The following ALCAM variants were observed in gnomAD, a reference collection of about 807,000 sequenced individuals.
ALCAM encodes CD166 antigen.
ALCAM carries 30 observed loss-of-function variants against 70.9 expected under a neutral mutation model. The ratio of observed to expected loss-of-function variants is 0.42; its 90% CI spans 0.32 to 0.57. ALCAM has a LOEUF of 0.57. ALCAM is among the 20% of genes least tolerant of loss of function. The pLI is 0.11. For missense variants in ALCAM, 591 were observed against 695.1 expected (o/e 0.85, Z 1.68); for synonymous variants, 249 against 242.5 (o/e 1.03, Z -0.25).
intron 1 of ALCAM, among the ~76,000 whole-genome samples, chr3:105,377,765 T>C (rs1379235347): frequency 6.6e-6 from 1 of 152,032 alleles, no homozygotes; most frequent in Non-Finnish European, 1.5e-5. Context: ...CCATAACCTC[T>C]TCCATTTTGT....
At chr3:105,508,767 C>G (rs1025009848) in intron 1 of ALCAM, among the ~76,000 whole-genome samples, 1 of 152,068 alleles carries the variant, frequency 6.6e-6, no homozygotes, top group East Asian at 1.9e-4. Context: ...TAGAAAATTT[C>G]TACTATACAG....
At chr3:105,561,032 T>C (rs185740526) in intron 14 of ALCAM, among the ~76,000 whole-genome samples, 10 of 152,322 alleles carry the variant, frequency 6.6e-5, no homozygotes, top group Admixed American at 6.5e-4. Flanking sequence ...CATGATCATA[T>C]ATCTCCTCAT....
intron 1 of ALCAM, among the ~76,000 whole-genome samples, chr3:105,451,477 A>G (rs745979425): frequency 1.8e-5 from 2 of 110,288 alleles, no homozygotes; most frequent in Non-Finnish European, 4.2e-5. Context: ...ACAAGAGACT[A>G]ATTAAATAAA....
intron 1 of ALCAM, among the ~76,000 whole-genome samples, chr3:105,466,398 C>T (rs771796011): frequency 3.3e-5 from 5 of 151,494 alleles, no homozygotes; most frequent in Non-Finnish European, 7.4e-5. Context: ...GTGCGATCTT[C>T]ACATTTTTAT....
chr3:105,456,656 T>G (rs949014078), intron 1 of ALCAM, among the ~76,000 whole-genome samples: 2 of 152,176 alleles, frequency 1.3e-5, no homozygotes, highest in Admixed American at 1.3e-4. Context: ...TTTCTTAATA[T>G]TAGTACAGTA....
intron 1 of ALCAM, among the ~76,000 whole-genome samples, chr3:105,511,287 G>A (rs1262354564): frequency 2.6e-5 from 4 of 151,964 alleles, no homozygotes; most frequent in Non-Finnish European, 4.4e-5. Context: ...CATCTCTTAA[G>A]GCAGAAAGAT....
At chr3:105,491,877 G>C (rs1229834213) in intron 1 of ALCAM, among the ~76,000 whole-genome samples, 1 of 152,152 alleles carries the variant, frequency 6.6e-6, no homozygotes, top group Non-Finnish European at 1.5e-5. Context: ...CCCCCCAAAT[G>C]GTTCCAGCTT....
chr3:105,491,172 T>C (rs1938575186), intron 1 of ALCAM, among the ~76,000 whole-genome samples: 1 of 152,234 alleles, frequency 6.6e-6, no homozygotes, highest in Admixed American at 6.5e-5. Flanking sequence ...GCCTGAGCTG[T>C]ACCTTGGCTC....
chr3:105,533,648 A>G lies in ALCAM; in HGVS notation c.505A>G (p.Thr169Ala), dbSNP rs1402660874. The change falls in exon 5 of 16, where the codon ACA becomes GCA. Residue 169 changes from threonine (T) to alanine (A), a missense_variant. Transcript: ENST00000306107. ...SEDSYPDGNI[T>A]WYRNGKVLHP... is the part of the protein sequence containing the mutation. ...AGACAGTTATCCAGATGGCAATATC[A>G]CATGGTACAGGAATGGAAAAGTGCT... is the stretch of plus-strand genomic sequence containing the variant. 4 of 1,612,110 alleles carry G rather than the reference A, an allele frequency of 2.5e-6. No individual in the cohort carries two copies. The highest frequency in any genetic ancestry group is 1.7e-5 in the Admixed American group (1 of 59,926).
chr3:105,400,239 T>TA (rs1936055911), intron 1 of ALCAM, among the ~76,000 whole-genome samples: 1 of 152,146 alleles, frequency 6.6e-6, no homozygotes, highest in Non-Finnish European at 1.5e-5. Flanking sequence ...TGTTTGTGGG[T>TA]AAAGTATTTG....
chr3:105,453,084 C>G (rs1014544856), intron 1 of ALCAM, among the ~76,000 whole-genome samples: 2 of 152,152 alleles, frequency 1.3e-5, no homozygotes, highest in Non-Finnish European at 2.9e-5. Context: ...TAATTAGATC[C>G]CATTTGTCAA....
At chr3:105,383,080 G>T (rs1280095719) in intron 1 of ALCAM, among the ~76,000 whole-genome samples, 8 of 151,692 alleles carry the variant, frequency 5.3e-5, no homozygotes, top group Non-Finnish European at 1.2e-4. Context: ...AACACCCTTT[G>T]CTTCACACCC....
intron 1 of ALCAM, among the ~76,000 whole-genome samples, chr3:105,382,419 TAGC>T (rs1935546167): frequency 1.3e-5 from 2 of 151,996 alleles, no homozygotes; most frequent in Admixed American, 6.6e-5. Flanking sequence ...TGTGTCTTTA[TAGC>T]AGCATGATTT....
At position 105,559,247 on chromosome 3, in the gene ALCAM, CAT is replaced by C. The variant is rs985532345; in HGVS notation, c.1664+6670_1664+6671del. ...TACATGTATACATGTGTACGTATAACATATATATACATATTTATATATACATA... is the reference window on the plus strand; with the variant it reads ...TACATGTATACATGTGTACGTATAACATATATACATATTTATATATACATA... On this transcript the variant is annotated intron_variant, in intron 14 of 15. Transcript: ENST00000306107. Among the ~76,000 whole-genome samples, 88 of 146,230 alleles carry C rather than the reference CAT, an allele frequency of 6.0e-4. 1 individual carries two copies. Among genetic ancestry groups the C allele is most frequent in the African/African-American group, 1.0e-3 (41 of 40,050 alleles).
intron 1 of ALCAM, among the ~76,000 whole-genome samples, chr3:105,403,095 C>T (rs13092905): frequency 0.025 from 3,724 of 151,906 alleles, 77 homozygotes; most frequent in South Asian, 0.08. Flanking sequence ...TGCAGATGCC[C>T]GCCACCACGC....
chr3:105,533,835 G>A lies in ALCAM; in HGVS notation c.547+145G>A, dbSNP rs543888729. 4 of 623,170 alleles carry A rather than the reference G, an allele frequency of 6.4e-6. No individual in the cohort carries two copies. In the East Asian group the frequency reaches 1.2e-4, roughly 18 times the overall value. 38.6% of individuals were successfully genotyped at this position (623,170 alleles called of 1,614,324 possible). On this transcript the variant is annotated intron_variant, in intron 5 of 15. Transcript: ENST00000306107. The stretch of plus-strand genomic sequence containing the variant: ...TGGAAGACAATTTTTCTTTGGATCA[G>A]GGTGGGGGGATGGTTTCAGGGTGAT...
At chr3:105,391,187 G>T (rs961905554) in intron 1 of ALCAM, among the ~76,000 whole-genome samples, 1 of 151,676 alleles carries the variant, frequency 6.6e-6, no homozygotes. Context: ...TACTTTGGGC[G>T]GTATGGCCAT....
intron 11 of ALCAM, among the ~76,000 whole-genome samples, chr3:105,549,882 G>C (rs1400504130): frequency 6.6e-6 from 1 of 151,202 alleles, no homozygotes; most frequent in Non-Finnish European, 1.5e-5. Flanking sequence ...TATTTAAAAA[G>C]AAGAGTTTAA....
In ALCAM at chr3:105,485,234, C is replaced by A. The variant is rs1938392688; in HGVS notation, c.74-34833C>A. 2.0e-5 allele frequency among the ~76,000 whole-genome samples: 3 copies of A among 152,020 alleles called. No homozygotes were observed. In the South Asian group the frequency reaches 6.2e-4, roughly 31 times the overall value. On this transcript the variant is annotated intron_variant, in intron 1 of 15. Coordinates refer to ENST00000306107, the MANE Select transcript of ALCAM (RefSeq NM_001627.4). ...AATGGCTGGCATCAACACCCACATA[C>A]AAACTGCTCCTGCTCAAAAAAATGC...
Sources: allele counts gnomAD v4.1 joint callset (sites outside exome capture counted in the v4.1 genomes callset), GRCh38; gene constraint gnomAD v4.1.1; transcripts MANE v1.5; gene names NCBI Gene and HGNC (gene_info 2026-07-23, HGNC 2026-07-21).